The following FAM53B variants were observed in gnomAD, a reference collection of about 807,000 sequenced individuals.
FAM53B encodes the protein family with sequence similarity 53 member B.
In FAM53B, 12 loss-of-function variants were observed where a neutral mutation model predicts 32.7. The observed-to-expected ratio is 0.37, with a 90% confidence interval of 0.24 to 0.59. The LOEUF is 0.59. Among genes scored for constraint, FAM53B ranks in the 20% least tolerant of loss-of-function variants. The probability of loss-of-function intolerance (pLI) is 0.72; values close to 1 mark genes in which losing one functional copy is unlikely to be tolerated. For synonymous variants in FAM53B, 234 were observed against 228.7 expected (o/e 1.02, Z -0.21); for missense variants, 477 against 577.7 (o/e 0.83, Z 1.79).
intron 2 of FAM53B, 135 bp downstream of exon 2, chr10:124,706,501 G>T: frequency 9.5e-7 from 1 of 1,048,502 alleles, no homozygotes; most frequent in South Asian, 1.4e-5. Flanking sequence ...GCCCCAGCCC[G>T]GGACGCCTCA....
chr10:124,678,437 G>A (rs1259558533), intron 4 of FAM53B, among the ~76,000 whole-genome samples: 4 of 152,214 alleles, frequency 2.6e-5, no homozygotes, highest in Admixed American at 1.3e-4. Flanking sequence ...GTCCTGTGGC[G>A]GTGGTGGCAT....
chr10:124,654,406 T>C (rs1949573882), intron 4 of FAM53B, among the ~76,000 whole-genome samples: 1 of 152,214 alleles, frequency 6.6e-6, no homozygotes, highest in African/African-American at 2.4e-5. Context: ...TTCCGGTCTG[T>C]GGCCATGCTG....
At chr10:124,685,997 C>G (rs544556405) in intron 3 of FAM53B, among the ~76,000 whole-genome samples, 1 of 152,304 alleles carries the variant, frequency 6.6e-6, no homozygotes, top group Non-Finnish European at 1.5e-5. Context: ...CCACAACAAA[C>G]CCTACACTCC....
At chr10:124,718,565 C>A (rs1950050176) in intron 1 of FAM53B, among the ~76,000 whole-genome samples, 1 of 152,266 alleles carries the variant, frequency 6.6e-6, no homozygotes, top group Non-Finnish European at 1.5e-5. Context: ...CCAAAGCTAT[C>A]TACCTGACTC....
chr10:124,672,218 G>A (rs755335215), intron 4 of FAM53B, among the ~76,000 whole-genome samples: 5 of 152,264 alleles, frequency 3.3e-5, no homozygotes, highest in South Asian at 2.1e-4. Context: ...GGCACCAGCC[G>A]TGCTGGGCTC....
chr10:124,641,559 C>CA (rs1315129815), intron 4 of FAM53B, among the ~76,000 whole-genome samples: 1 of 152,256 alleles, frequency 6.6e-6, no homozygotes, highest in Non-Finnish European at 1.5e-5. Context: ...CATGTGTCAT[C>CA]ACTGAGGCCC....
chr10:124,654,737 G>C (rs1490533091), intron 4 of FAM53B, among the ~76,000 whole-genome samples: 1 of 152,152 alleles, frequency 6.6e-6, no homozygotes, highest in Non-Finnish European at 1.5e-5. Flanking sequence ...TAGGGCTGTA[G>C]GTGTTTGGCC....
At chr10:124,629,073 C>T (rs769310318) in intron 4 of FAM53B, among the ~76,000 whole-genome samples, 1 of 152,262 alleles carries the variant, frequency 6.6e-6, no homozygotes, top group Non-Finnish European at 1.5e-5. Flanking sequence ...AGGTTATGCA[C>T]CTGCTTCTTA....
intron 2 of FAM53B, among the ~76,000 whole-genome samples, chr10:124,702,926 T>C (rs959166190): frequency 6.6e-6 from 1 of 152,184 alleles, no homozygotes; most frequent in Admixed American, 6.5e-5. Flanking sequence ...TTAACAGGTC[T>C]GGCACCTCCT....
At chr10:124,695,309 T>A (rs1384787453) in intron 3 of FAM53B, among the ~76,000 whole-genome samples, 1 of 151,222 alleles carries the variant, frequency 6.6e-6, no homozygotes, top group Non-Finnish European at 1.5e-5. Context: ...CACTGAGAGG[T>A]CAAACAATGC....
At chr10:124,713,432 A>C (rs184661425) in intron 1 of FAM53B, 1 of 152,208 alleles carries the variant, frequency 6.6e-6, no homozygotes, top group African/African-American at 2.4e-5. Context: ...TTTGTTCTAC[A>C]GTCTTCAATG....
intron 4 of FAM53B, among the ~76,000 whole-genome samples, chr10:124,631,352 C>T (rs1338042066): frequency 6.6e-6 from 1 of 152,174 alleles, no homozygotes; most frequent in East Asian, 1.9e-4. Context: ...ACAGCCCATC[C>T]CCAGCCCAGA....
intron 1 of FAM53B, among the ~76,000 whole-genome samples, chr10:124,736,170 T>C (rs1218106357): frequency 1.3e-5 from 2 of 152,218 alleles, no homozygotes; most frequent in Admixed American, 6.5e-5. Flanking sequence ...CTGATCTTCC[T>C]AAAAACGCTG....
At chr10:124,709,095 A>G (rs891574749) in intron 1 of FAM53B, among the ~76,000 whole-genome samples, 4 of 152,212 alleles carry the variant, frequency 2.6e-5, no homozygotes, top group African/African-American at 9.6e-5. Context: ...TAGCAGTTTC[A>G]TGGGGGAGGC....
intron 1 of FAM53B, among the ~76,000 whole-genome samples, chr10:124,728,117 G>A (rs1208970565): frequency 1.3e-5 from 2 of 152,140 alleles, no homozygotes; most frequent in African/African-American, 2.4e-5. Context: ...TTGGCTTCGC[G>A]ATCCAGTCAC....
rs1031933280 is a variant in FAM53B, at chr10:124,682,970, A to G, written c.134-591T>C. 6.6e-6 allele frequency among the ~76,000 whole-genome samples: 1 copy of G among 152,244 alleles called. No individual in the cohort carries two copies. Among genetic ancestry groups the G allele is most frequent in the Non-Finnish European group, 1.5e-5 (1 of 68,042 alleles). On this transcript the variant is annotated intron_variant, in intron 3 of 4. Coordinates refer to ENST00000337318, the MANE Select transcript of FAM53B (RefSeq NM_014661.4). This position sits in a 1 kb window ranked among gnomAD's most constrained non-coding sequence, Gnocchi z 5.2. Reference sequence around the variant, plus strand: ...ATAATAGAAGCTGGAACTTGTACTGATTTAGGTCACCTCCGTCAAAATGCT... The same window carrying G: ...ATAATAGAAGCTGGAACTTGTACTGGTTTAGGTCACCTCCGTCAAAATGCT...
intron 1 of FAM53B, among the ~76,000 whole-genome samples, chr10:124,734,529 C>T (rs553538235): frequency 1.4e-4 from 22 of 152,340 alleles, no homozygotes; most frequent in South Asian, 2.1e-4. Context: ...GCAGCCCTCG[C>T]TCACAAAGCT....
chr10:124,640,926 C>T (rs897466669), intron 4 of FAM53B, among the ~76,000 whole-genome samples: 1 of 152,256 alleles, frequency 6.6e-6, no homozygotes, highest in African/African-American at 2.4e-5. Context: ...GCTGACCCCA[C>T]ACTAGGAAGA....
rs1251459527 is a variant in FAM53B at position 124,733,107 on chromosome 10, C to G, written c.-175+10906G>C. 6.6e-6 allele frequency among the ~76,000 whole-genome samples: 1 copy of G among 152,234 alleles called. No homozygotes were observed. The highest frequency in any genetic ancestry group is 1.5e-5 in the Non-Finnish European group (1 of 68,044). On this transcript the variant is annotated intron_variant, in intron 1 of 4. Coordinates refer to ENST00000337318, the MANE Select transcript of FAM53B (RefSeq NM_014661.4). The surrounding 1 kb of genome is among the most constrained non-coding windows in gnomAD (Gnocchi z 4.3). ...GGTTTACTGTTAAAATCAAAACCAT[C>G]TGTGGCTAACTTACTCACTTTCTTC... is the stretch of plus-strand genomic sequence containing the variant.
Sources: gnomAD v4.1 joint callset for allele counts (sites outside exome capture counted in the v4.1 genomes callset) on GRCh38, gnomAD v4.1.1 for gene constraint, Gnocchi (gnomAD v3.1) non-coding constraint, MANE v1.5 for transcripts, NCBI Gene and HGNC (gene_info 2026-07-23, HGNC 2026-07-21) for gene names.